PAX8: variants seen among roughly 807,000 people sequenced by gnomAD.
PAX8 encodes paired box protein Pax-8.
A neutral mutation model predicts 52.4 loss-of-function variants in PAX8; 15 were observed. The ratio of observed to expected loss-of-function variants is 0.29; its 90% CI spans 0.19 to 0.44. PAX8 has a LOEUF of 0.44. PAX8 is among the 20% of genes least tolerant of loss of function. The pLI is 1.00. For missense variants in PAX8, 554 were observed against 602.5 expected, an observed-to-expected ratio of 0.92 and a Z score of 0.84; for synonymous variants, 284 against 249.7, an observed-to-expected ratio of 1.14 and a Z score of -1.29.
chr2:113,236,402 G>A (rs1376597979), intron 8 of PAX8, 199 bp downstream of exon 8: 1 of 514,324 alleles, frequency 1.9e-6, no homozygotes, highest in African/African-American at 2.1e-5. Context: ...GCCCGGCCTA[G>A]GACTGGAGGC....
chr2:113,270,958 G>C (rs950876124), intron 2 of PAX8: 4 of 152,202 alleles, frequency 2.6e-5, no homozygotes, highest in African/African-American at 9.6e-5. Flanking sequence ...CGGGAGCTAA[G>C]CAGCTACTTT....
At chr2:113,242,199 G>C in intron 5 of PAX8, 69 bp from the exon 6 acceptor site, 1 of 1,456,212 alleles carries the variant, frequency 6.9e-7, no homozygotes, top group South Asian at 1.2e-5. Flanking sequence ...GTGACTCTGG[G>C]GTAGTTACAG....
At chr2:113,269,040 C>A (rs1243212947) in intron 2 of PAX8, 9 of 152,216 alleles carry the variant, frequency 5.9e-5, no homozygotes, top group African/African-American at 2.2e-4. Flanking sequence ...CCAGGAAGGT[C>A]CCCAAGGCTC....
intron 2 of PAX8, among the ~76,000 whole-genome samples, chr2:113,251,746 C>T (rs766532099): frequency 6.6e-6 from 1 of 152,162 alleles, no homozygotes; most frequent in Non-Finnish European, 1.5e-5. Context: ...AAAACAGAGA[C>T]ACTTATTGAC....
At chr2:113,226,480 A>G in intron 10 of PAX8, 2 of 989,270 alleles carry the variant, frequency 2.0e-6, no homozygotes, top group Non-Finnish European at 2.4e-6. Context: ...TCATTGGATG[A>G]TGACTGGCAG....
intron 10 of PAX8, among the ~76,000 whole-genome samples, chr2:113,224,031 TGGA>T (rs1689402396): frequency 6.6e-6 from 1 of 151,614 alleles, no homozygotes; most frequent in South Asian, 2.1e-4. Flanking sequence ...TATAGATTAA[TGGA>T]GGAATAGATT....
chr2:113,257,416 G>A (rs1376836317), intron 2 of PAX8, among the ~76,000 whole-genome samples: 5 of 152,166 alleles, frequency 3.3e-5, no homozygotes, highest in East Asian at 1.9e-4. Context: ...GAGGACCAAC[G>A]CCAGCTCCTT....
chr2:113,241,927 G>T, intron 6 of PAX8, 81 bp downstream of exon 6: 1 of 1,549,220 alleles, frequency 6.5e-7, no homozygotes, highest in Non-Finnish European at 8.8e-7. Flanking sequence ...CATATCATAA[G>T]TGGAAGGGTT....
intron 2 of PAX8, among the ~76,000 whole-genome samples, chr2:113,260,375 G>T (rs1270322679): frequency 6.6e-6 from 1 of 152,170 alleles, no homozygotes; most frequent in Non-Finnish European, 1.5e-5. Context: ...GAGTATGTGT[G>T]TGTGTTGGGG....
chr2:113,278,267 C>T, intron 2 of PAX8, 103 bp downstream of exon 2: 2 of 986,432 alleles, frequency 2.0e-6, no homozygotes, highest in Non-Finnish European at 3.1e-6. Flanking sequence ...GGGTGGGTCC[C>T]GCGAATCCCG....
At chr2:113,233,632 C>T (rs191130053) in intron 9 of PAX8, among the ~76,000 whole-genome samples, 5 of 149,552 alleles carry the variant, frequency 3.3e-5, no homozygotes, top group Non-Finnish European at 5.9e-5. Flanking sequence ...GAGCTGAGAT[C>T]GCGCCACTGC....
chr2:113,219,478 G>A lies in PAX8; in HGVS notation c.1276+614C>T, dbSNP rs1011698427. On this transcript the variant is annotated intron_variant, in intron 11 of 11. Coordinates refer to ENST00000429538, the MANE Select transcript of PAX8 (RefSeq NM_003466.4). ...CAGTTCAGGACCCCAGGACAAGAGA[G>A]GGGTGAAGAGAAGCCTGGAAGCTCG... Among the ~76,000 whole-genome samples the A allele has an allele frequency of 2.6e-5, 4 of 152,236 alleles. No individual in the cohort carries two copies. The East Asian group carries it at 5.8e-4, about 22-fold the overall frequency.
intron 2 of PAX8, chr2:113,268,408 A>T (rs1327443291): frequency 6.6e-6 from 1 of 152,204 alleles, no homozygotes; most frequent in Non-Finnish European, 1.5e-5. Flanking sequence ...GTCGGGGCAT[A>T]CCTCTCTGGG....
In PAX8 at chr2:113,278,402, G is replaced by C; in HGVS notation, c.-8C>G. The C allele has an allele frequency of 1.2e-6, 2 of 1,610,866 alleles. No homozygotes were observed. Among genetic ancestry groups the C allele is most frequent in the East Asian group, 2.2e-5 (1 of 44,818 alleles). ...GATGGAGTTGTGAGGCATCGCCGGG[G>C]AGTCGCTCGCAGCCCGCCGAGGGCT... On this transcript the variant is annotated 5_prime_UTR_variant, in exon 2 of 12. Coordinates refer to ENST00000429538, the MANE Select transcript of PAX8 (RefSeq NM_003466.4).
intron 9 of PAX8, 110 bp downstream of exon 9, chr2:113,235,284 G>A: frequency 1.1e-6 from 1 of 891,766 alleles, no homozygotes; most frequent in African/African-American, 1.7e-5. Flanking sequence ...TTAGGGAACA[G>A]GGTGGGGGTG....
chr2:113,271,862 A>G (rs940979992), intron 2 of PAX8: 1 of 151,708 alleles, frequency 6.6e-6, no homozygotes, highest in Non-Finnish European at 1.5e-5. Flanking sequence ...GAGTTGTGAG[A>G]ATTAAATGAG....
At chr2:113,242,997 C>G (rs1690992012) in intron 4 of PAX8, among the ~76,000 whole-genome samples, 1 of 152,224 alleles carries the variant, frequency 6.6e-6, no homozygotes. Flanking sequence ...AAGGCCAAAA[C>G]AGAGATGGGG....
intron 8 of PAX8, 79 bp downstream of exon 8, chr2:113,236,522 C>A: frequency 1.3e-6 from 2 of 1,492,790 alleles, no homozygotes; most frequent in East Asian, 2.5e-5. Flanking sequence ...GGCCAGGGCC[C>A]CACACCTTCC....
chr2:113,246,685 C>G, intron 3 of PAX8, 69 bp downstream of exon 3: 1 of 1,543,040 alleles, frequency 6.5e-7, no homozygotes, highest in Non-Finnish European at 8.9e-7. Context: ...AATTCTCTAG[C>G]TGCCCTGAGA....
Sources: allele counts gnomAD v4.1 joint callset (sites outside exome capture counted in the v4.1 genomes callset), GRCh38; gene constraint gnomAD v4.1.1; transcripts MANE v1.5; gene names NCBI Gene and HGNC (gene_info 2026-07-23, HGNC 2026-07-21).